Variants in LMO7 observed in about 807,000 individuals in gnomAD.
LMO7 encodes LIM domain 7, also known as LIM domain only protein 7.
Under a neutral mutation model 206.5 loss-of-function variants are expected in LMO7, and 120 were observed. The ratio of observed to expected loss-of-function variants is 0.58; its 90% CI spans 0.50 to 0.68. The LOEUF is 0.68. Among genes scored for constraint, LMO7 ranks in the 30% least tolerant of loss-of-function variants. The probability of loss-of-function intolerance (pLI) is 0.00; values close to 1 mark genes in which losing one functional copy is unlikely to be tolerated. For missense variants in LMO7, 1,959 were observed against 1,957.9 expected (o/e 1.00, Z -0.01); for synonymous variants, 706 against 681.5 (o/e 1.04, Z -0.56).
upstream of LMO7, among the ~76,000 whole-genome samples, chr13:75,634,497 T>C (rs1457235724): frequency 6.6e-6 from 1 of 151,820 alleles, no homozygotes; most frequent in Non-Finnish European, 1.5e-5. Context: ...TCAAAGCACT[T>C]TGGGAGGACG....
intron 3 of LMO7, among the ~76,000 whole-genome samples, chr13:75,746,669 C>T (rs1340799014): frequency 1.3e-5 from 2 of 152,138 alleles, no homozygotes; most frequent in Non-Finnish European, 2.9e-5. Context: ...GAGTTTCTGG[C>T]TTCCTTGGTC....
intron 1 of LMO7, among the ~76,000 whole-genome samples, chr13:75,698,504 G>T (rs996130135): frequency 6.6e-5 from 10 of 151,750 alleles, no homozygotes; most frequent in African/African-American, 2.4e-4. Flanking sequence ...TGCTCAGGCT[G>T]ATCTGGAACT....
rs1358663781 is a variant in LMO7, at chr13:75,653,897, T to C, written c.69+17171T>C. Among the ~76,000 whole-genome samples, 6 of 152,222 alleles carry C rather than the reference T, an allele frequency of 3.9e-5. No individual in the cohort carries two copies. In the East Asian group the frequency reaches 1.2e-3, roughly 29 times the overall value. The stretch of plus-strand genomic sequence containing the variant: ...ATATAAACTTAGGTAAGTTTGTACC[T>C]GAAAGCTAGCAAATAAGTTAGCAAA... On this transcript the variant is annotated intron_variant, in intron 1 of 30. Transcript: ENST00000377534.
chr13:75,733,912 T>C (rs943018521), intron 3 of LMO7, among the ~76,000 whole-genome samples: 3 of 152,246 alleles, frequency 2.0e-5, no homozygotes, highest in Admixed American at 6.5e-5. Flanking sequence ...CTGTGTGCGC[T>C]GTTTGCTGGC....
intron 1 of LMO7, among the ~76,000 whole-genome samples, chr13:75,687,576 G>T (rs954042041): frequency 5.9e-5 from 9 of 151,618 alleles, no homozygotes; most frequent in Non-Finnish European, 1.2e-4. Context: ...AGCATTGAAT[G>T]TGTACCTGTA....
intron 4 of LMO7, among the ~76,000 whole-genome samples, chr13:75,793,613 T>C (rs2053603066): frequency 6.6e-6 from 1 of 152,232 alleles, no homozygotes; most frequent in Admixed American, 6.5e-5. Flanking sequence ...TTCTTTTTAC[T>C]CAAGAGTTAA....
At chr13:75,675,006 T>C (rs1261323256) in intron 1 of LMO7, among the ~76,000 whole-genome samples, 4 of 152,216 alleles carry the variant, frequency 2.6e-5, no homozygotes, top group African/African-American at 9.6e-5. Flanking sequence ...TTCCTAGTCC[T>C]GTTATTTGTA....
chr13:75,629,669 G>A (rs2034654342), intron 2 of LMO7, among the ~76,000 whole-genome samples: 1 of 152,186 alleles, frequency 6.6e-6, no homozygotes, highest in South Asian at 2.1e-4. Flanking sequence ...GCCACTGGGA[G>A]TCCTTTAAAG....
intron 3 of LMO7, among the ~76,000 whole-genome samples, chr13:75,757,957 T>C (rs907081251): frequency 1.3e-5 from 2 of 152,024 alleles, no homozygotes; most frequent in Non-Finnish European, 2.9e-5. Context: ...GAAATATTTG[T>C]GTGATGGGTT....
rs1236223745 is a variant in LMO7, at chr13:75,805,727, A to G, written c.1163A>G (p.Tyr388Cys). 6.2e-7 allele frequency: 1 copy of G among 1,614,032 alleles called. No individual in the cohort carries two copies. Among genetic ancestry groups the G allele is most frequent in the East Asian group, 2.2e-5 (1 of 44,892 alleles). ...VNWKRIKRET[Y>C]KPWYKEFQGF... ...TGGAAAAGAATAAAAAGGGAAACTT[A>G]TAAGCCATGGTATAAAGAATTTCAG... Residue 388 changes from tyrosine to cysteine, a missense_variant, in exon 9 of 31, where the codon TAT becomes TGT. By Grantham distance (194) the Tyr-to-Cys change is radical (BLOSUM62 -2). Transcript: ENST00000377534.
chr13:75,828,939 G>A (rs2058383760), intron 15 of LMO7, among the ~76,000 whole-genome samples: 2 of 152,100 alleles, frequency 1.3e-5, no homozygotes, highest in Non-Finnish European at 2.9e-5. Flanking sequence ...GGGGAAAGAA[G>A]GAGAAAGAGG....
chr13:75,720,323 A>T (rs74703890), intron 2 of LMO7, among the ~76,000 whole-genome samples: 23 of 152,130 alleles, frequency 1.5e-4, no homozygotes, highest in Admixed American at 5.2e-4. Flanking sequence ...CAAAGCAGAT[A>T]TTTTTAATTT....
intron 12 of LMO7, among the ~76,000 whole-genome samples, chr13:75,818,668 G>A (rs565254286): frequency 6.6e-6 from 1 of 152,172 alleles, no homozygotes; most frequent in Admixed American, 6.5e-5. Flanking sequence ...TCCTTATTGC[G>A]CTGACCTAGG....
intron 4 of LMO7, among the ~76,000 whole-genome samples, chr13:75,777,900 C>T (rs1282734180): frequency 2.6e-5 from 4 of 152,100 alleles, no homozygotes; most frequent in African/African-American, 4.8e-5. Context: ...CCGCCTCGGC[C>T]TCCCAAAGTG....
At chr13:75,634,442 A>AC (rs981097836), upstream of LMO7, among the ~76,000 whole-genome samples, 25 of 36,928 alleles carry the variant, frequency 6.8e-4, no homozygotes, top group Admixed American at 1.3e-3. Context: ...TAAAAAACTT[A>AC]AAAAACAAAC....
chr13:75,742,015 C>T (rs1038027336), intron 3 of LMO7, among the ~76,000 whole-genome samples: 1 of 152,174 alleles, frequency 6.6e-6, no homozygotes, highest in African/African-American at 2.4e-5. Context: ...AGCTGTTAAA[C>T]AACTTCAGGT....
chr13:75,737,625 C>T (rs376337049), intron 3 of LMO7, among the ~76,000 whole-genome samples: 35 of 144,716 alleles, frequency 2.4e-4, no homozygotes, highest in Middle Eastern at 3.4e-3. Flanking sequence ...TGGTAGCGGG[C>T]GCCTGTAGTC....
At chr13:75,764,128 T>C (rs1414309014) in intron 4 of LMO7, among the ~76,000 whole-genome samples, 5 of 152,170 alleles carry the variant, frequency 3.3e-5, no homozygotes, top group African/African-American at 9.6e-5. Context: ...AAGCATCAGG[T>C]GACACCTTTA....
chr13:75,656,696 A>T (rs778936662), intron 1 of LMO7, among the ~76,000 whole-genome samples: 3 of 152,110 alleles, frequency 2.0e-5, no homozygotes, highest in Non-Finnish European at 4.4e-5. Context: ...TTTCATGTGG[A>T]TGTGGAGTGT....
Sources: allele counts gnomAD v4.1 joint callset (sites outside exome capture counted in the v4.1 genomes callset), GRCh38; gene constraint gnomAD v4.1.1; transcripts MANE v1.5; gene names NCBI Gene and HGNC (gene_info 2026-07-23, HGNC 2026-07-21).